Variants in FRMD4A observed in about 807,000 individuals in gnomAD.
FRMD4A encodes the protein FERM domain-containing protein 4A.
Under a neutral mutation model 129.1 loss-of-function variants are expected in FRMD4A, and 29 were observed. The observed-to-expected ratio is 0.22, with a 90% CI of 0.17 to 0.31. The LOEUF (loss-of-function observed/expected upper bound fraction) is 0.31, where lower values mean the gene tolerates loss of function less well. Ranked by LOEUF, FRMD4A falls within the 10% of genes least tolerant of loss-of-function variation. The probability of loss-of-function intolerance (pLI) is 1.00; values close to 1 mark genes in which losing one functional copy is unlikely to be tolerated. For synonymous variants in FRMD4A, 634 were observed against 571.6 expected, an observed-to-expected ratio of 1.11 and a Z score of -1.56; for missense variants, 1,272 against 1,375.8, an observed-to-expected ratio of 0.92 and a Z score of 1.19.
intron 2 of FRMD4A, among the ~76,000 whole-genome samples, chr10:14,003,177 G>A (rs147486483): frequency 9.2e-5 from 14 of 152,260 alleles, no homozygotes; most frequent in East Asian, 7.7e-4. Context: ...AGATGGTGGC[G>A]GGCTGCACCA....
rs549023067 is a variant in FRMD4A, at chr10:13,748,174, G to A, written c.465-355C>T. Among the ~76,000 whole-genome samples, 303 of 152,170 alleles carry A rather than the reference G, an allele frequency of 2.0e-3. 2 individuals carry two copies. The highest frequency in any genetic ancestry group is 5.8e-4 in the East Asian group (3 of 5,148). The stretch of plus-strand genomic sequence containing the variant: ...AGAAGTGTCCCCAGGGGTCCCCCAG[G>A]GCAGGATCTTAGAAGAAGCTCCCCA... On this transcript the variant is annotated intron_variant, in intron 8 of 24. Coordinates refer to ENST00000357447, the MANE Select transcript of FRMD4A (RefSeq NM_018027.5).
At chr10:13,727,061 C>A (rs2089947499) in intron 12 of FRMD4A, among the ~76,000 whole-genome samples, 1 of 152,070 alleles carries the variant, frequency 6.6e-6, no homozygotes, top group Non-Finnish European at 1.5e-5. Context: ...TGTCACCACA[C>A]CCAGCTAATT....
intron 2 of FRMD4A, among the ~76,000 whole-genome samples, chr10:13,920,392 A>G (rs1203245483): frequency 6.6e-5 from 10 of 152,220 alleles, no homozygotes; most frequent in Non-Finnish European, 1.5e-4. Context: ...TGTCCTTTAC[A>G]TCCTGCCTGT....
chr10:14,248,801 A>C (rs1754057539), intron 2 of FRMD4A, among the ~76,000 whole-genome samples: 1 of 152,204 alleles, frequency 6.6e-6, no homozygotes, highest in Admixed American at 6.5e-5. Context: ...TCTGTCAGAA[A>C]ACCTCAGTAA....
At chr10:13,933,021 C>T (rs189224873) in intron 2 of FRMD4A, among the ~76,000 whole-genome samples, 7 of 152,062 alleles carry the variant, frequency 4.6e-5, no homozygotes, top group African/African-American at 7.2e-5. Flanking sequence ...ATTAGTCAGG[C>T]GTGGTGGCAG....
At chr10:13,865,082 C>A (rs979312333) in intron 2 of FRMD4A, among the ~76,000 whole-genome samples, 5 of 152,116 alleles carry the variant, frequency 3.3e-5, no homozygotes, top group African/African-American at 1.2e-4. Flanking sequence ...TCAATTGATC[C>A]TCCTGCCTTG....
intron 6 of FRMD4A, among the ~76,000 whole-genome samples, chr10:13,775,256 A>G (rs994100906): frequency 2.0e-5 from 3 of 152,230 alleles, no homozygotes; most frequent in African/African-American, 7.2e-5. Flanking sequence ...ACAGAGTACA[A>G]TGGATTTACA....
intron 2 of FRMD4A, among the ~76,000 whole-genome samples, chr10:14,102,319 G>T (rs182516192): frequency 1.8e-3 from 274 of 152,240 alleles, no homozygotes; most frequent in African/African-American, 6.4e-3. Flanking sequence ...TTGATGACAG[G>T]GCTTTGAAAC....
chr10:14,038,340 A>C (rs2457844), intron 2 of FRMD4A, among the ~76,000 whole-genome samples: 123,473 of 152,134 alleles, frequency 0.81, 50,780 homozygotes, highest in East Asian at 0.92. Flanking sequence ...ATAAATAAAT[A>C]AATAAAAATA....
At chr10:14,235,883 A>G (rs111316840) in intron 2 of FRMD4A, among the ~76,000 whole-genome samples, 5 of 152,236 alleles carry the variant, frequency 3.3e-5, no homozygotes, top group African/African-American at 1.2e-4. Context: ...GTGCCAAACC[A>G]TATTCACCCA....
At chr10:13,658,319 T>C (rs998583362) in intron 21 of FRMD4A, among the ~76,000 whole-genome samples, 1 of 152,182 alleles carries the variant, frequency 6.6e-6, no homozygotes, top group Admixed American at 6.5e-5. Flanking sequence ...GCAAATGAGA[T>C]AATTAAACAA....
chr10:14,240,755 AC>A (rs1844012781), intron 2 of FRMD4A, among the ~76,000 whole-genome samples: 1 of 152,220 alleles, frequency 6.6e-6, no homozygotes. Context: ...CTACAAGGTA[AC>A]ATTCGGCTTC....
chr10:14,027,634 A>G (rs1418778675), intron 2 of FRMD4A, among the ~76,000 whole-genome samples: 2 of 152,214 alleles, frequency 1.3e-5, no homozygotes, highest in African/African-American at 4.8e-5. Flanking sequence ...AACAAAAACA[A>G]AAACAAAACA....
In FRMD4A at chr10:13,827,311, G is replaced by T. The variant is rs540689479; in HGVS notation, c.112-16403C>A. ...TGTGGCTGGCATGAAATGTCTCATG[G>T]TCTAGCCCCCAGCAAAGCCCAGCAC... On this transcript the variant is annotated intron_variant, in intron 3 of 24. Coordinates refer to ENST00000357447, the MANE Select transcript of FRMD4A (RefSeq NM_018027.5). Among the ~76,000 whole-genome samples, 45 of 152,272 alleles carry T rather than the reference G, an allele frequency of 3.0e-4. No individual in the cohort carries two copies. The South Asian group carries it at 8.9e-3, about 30-fold the overall frequency.
chr10:13,972,116 C>T (rs2095522203), intron 2 of FRMD4A: 1 of 1,083,336 alleles, frequency 9.2e-7, no homozygotes, highest in South Asian at 2.9e-5. Context: ...AACGGCACAT[C>T]CCTGTTTCTC....
chr10:14,216,380 G>A (rs888699467), intron 2 of FRMD4A, among the ~76,000 whole-genome samples: 17 of 152,108 alleles, frequency 1.1e-4, no homozygotes, highest in Admixed American at 1.3e-4. Flanking sequence ...GCTCAAAAGT[G>A]GAAGAGAAGG....
chr10:14,194,342 G>T (rs1394615783), intron 2 of FRMD4A, among the ~76,000 whole-genome samples: 1 of 152,198 alleles, frequency 6.6e-6, no homozygotes, highest in Non-Finnish European at 1.5e-5. Context: ...CGGGTGCAGT[G>T]GTTCAGGCCT....
chr10:14,113,171 A>C (rs1838013993), intron 2 of FRMD4A, among the ~76,000 whole-genome samples: 1 of 152,236 alleles, frequency 6.6e-6, no homozygotes. Context: ...ATAGATATAC[A>C]TAGATACATC....
intron 2 of FRMD4A, among the ~76,000 whole-genome samples, chr10:14,213,851 T>G (rs1040654004): frequency 6.6e-6 from 1 of 152,230 alleles, no homozygotes; most frequent in Admixed American, 6.5e-5. Context: ...GTTCTCATGG[T>G]AGTGAATAAG....
Sources: allele counts gnomAD v4.1 joint callset (sites outside exome capture counted in the v4.1 genomes callset), GRCh38; gene constraint gnomAD v4.1.1; transcripts MANE v1.5; gene names NCBI Gene and HGNC (gene_info 2026-07-23, HGNC 2026-07-21).